The following NCR3 variants were observed in gnomAD, a reference collection of about 807,000 sequenced individuals.
NCR3 encodes the protein natural cytotoxicity triggering receptor 3, also known as NK-p30.
Under a neutral mutation model 16.1 loss-of-function variants are expected in NCR3, and 13 were observed. The observed-to-expected ratio is 0.81, with a 90% CI of 0.53 to 1.28. The LOEUF (loss-of-function observed/expected upper bound fraction) is 1.28, where lower values mean the gene tolerates loss of function less well. Ranked by LOEUF, NCR3 falls within the 50% of genes most tolerant of loss-of-function variation. NCR3 has a pLI of 0.00. For synonymous variants in NCR3, 98 were observed against 106.6 expected (o/e 0.92, Z 0.50); for missense variants, 202 against 256.8 (o/e 0.79, Z 1.46).
rs199588073 is a variant in NCR3 at position 31,589,213 on chromosome 6, G to A, written c.497-37C>T. 93 of 1,602,550 alleles carry A rather than the reference G, an allele frequency of 5.8e-5. No individual in the cohort carries two copies. Among genetic ancestry groups the A allele is most frequent in the Non-Finnish European group, 7.0e-5 (82 of 1,174,420 alleles). ...GAAAGTTCAGAGTTGGGGGAATCCGGAGAGAGTAGATTTGGCATCTGGAGA... is the reference window on the plus strand; with the variant it reads ...GAAAGTTCAGAGTTGGGGGAATCCGAAGAGAGTAGATTTGGCATCTGGAGA... On this transcript the variant is annotated intron_variant, in intron 3 of 3. Transcript: ENST00000340027. This position sits in a 1 kb window ranked among gnomAD's most constrained non-coding sequence, Gnocchi z 4.8.
In NCR3 at chr6:31,590,004, A is replaced by G; in HGVS notation, c.166T>C (p.Phe56Leu). ...TTCCCTGGAACCACCTCATCTCGGAACCACGTGACGGAGCCAATGGCCAGT... is the reference window on the plus strand; with the variant it reads ...TTCCCTGGAACCACCTCATCTCGGAGCCACGTGACGGAGCCAATGGCCAGT... ...GRLAIGSVTWFRDEVVPGKEV... is the reference protein window; with the variant it reads ...GRLAIGSVTWLRDEVVPGKEV... The change falls in exon 2 of 4, where the codon TTC becomes CTC. Residue 56 changes from phenylalanine (F) to leucine (L), a missense_variant. Physicochemically the swap from Phe to Leu is conservative, Grantham distance 22. Transcript: ENST00000340027. The G allele has an allele frequency of 6.8e-6, 11 of 1,613,088 alleles. No individual in the cohort carries two copies. The highest frequency in any genetic ancestry group is 9.3e-6 in the Non-Finnish European group (11 of 1,180,016).
In NCR3 at chr6:31,593,006, G is replaced by C; in HGVS notation, c.-285C>G. 1 of 543,486 alleles carries C rather than the reference G, an allele frequency of 1.8e-6. No individual in the cohort carries two copies. Among genetic ancestry groups the C allele is most frequent in the South Asian group, 2.1e-5 (1 of 47,616 alleles). 33.7% of individuals were successfully genotyped at this position (543,486 alleles called of 1,614,324 possible). A position where few individuals can be genotyped will look rare whatever the true frequency, so the allele number is the denominator to read the frequency against. ...TGTGGCAGGCTAGCTAAGCGTGTGA[G>C]GGGGAGGGTGGGGCTTAGATGGCTG... On this transcript the variant is annotated 5_prime_UTR_variant, in exon 1 of 4. Coordinates refer to ENST00000340027, the MANE Select transcript of NCR3 (RefSeq NM_147130.3).
In NCR3 at chr6:31,593,000, G is replaced by A. The variant is rs56176172; in HGVS notation, c.-279C>T. Reference sequence around the variant, plus strand: ...CCAGCTTGTGGCAGGCTAGCTAAGCGTGTGAGGGGGAGGGTGGGGCTTAGA... The same window carrying A: ...CCAGCTTGTGGCAGGCTAGCTAAGCATGTGAGGGGGAGGGTGGGGCTTAGA... On this transcript the variant is annotated 5_prime_UTR_variant, in exon 1 of 4. The change creates a new upstream start codon in the 5' untranslated region. Transcript: ENST00000340027. 9.0e-6 allele frequency: 5 copies of A among 555,124 alleles called. No homozygotes were observed. The highest frequency in any genetic ancestry group is 3.8e-5 in the African/African-American group (2 of 53,012). 34.4% of individuals were successfully genotyped at this position (555,124 alleles called of 1,614,324 possible).
chr6:31,589,580 CATA>C lies in NCR3; in HGVS notation c.439_441del (p.Tyr147del). 1.9e-6 allele frequency: 3 copies of C among 1,614,014 alleles called. No homozygotes were observed. Among genetic ancestry groups the C allele is most frequent in the Non-Finnish European group, 2.5e-6 (3 of 1,180,030 alleles). On this transcript the variant is annotated inframe_deletion, in exon 3 of 4. Coordinates refer to ENST00000340027, the MANE Select transcript of NCR3 (RefSeq NM_147130.3). The surrounding 1 kb of genome is among the most constrained non-coding windows in gnomAD (Gnocchi z 4.8). ...ACGGCCACAGAGAGAAAGCTGACAG[CATA>C]GAATCCAGCCCGAAGGAGGAGGACT...
At chr6:31,590,991 C>G (rs990774515) in intron 1 of NCR3, among the ~76,000 whole-genome samples, 1 of 152,056 alleles carries the variant, frequency 6.6e-6, no homozygotes, top group African/African-American at 2.4e-5. Flanking sequence ...AGGCACCCAC[C>G]ACCACGACTG....
Position 31,589,929 on chromosome 6 carries a change from C to T in NCR3, c.241G>A (p.Ala81Thr), listed in dbSNP as rs1457722571. The T allele has an allele frequency of 6.2e-7, 1 of 1,613,114 alleles. No homozygotes were observed. The highest frequency in any genetic ancestry group is 2.2e-5 in the East Asian group (1 of 44,892). Residue 81 changes from alanine to threonine, a missense_variant, in exon 2 of 4, where the codon GCT becomes ACT. Transcript: ENST00000340027. The surrounding 1 kb of genome is among the most constrained non-coding windows in gnomAD (Gnocchi z 4.8). ...TGGTCATGGAGGAAACGGGAAGAAGCAAGTGGGGCCAGGCGGCCCCTGAAC... is the reference window on the plus strand; with the variant it reads ...TGGTCATGGAGGAAACGGGAAGAAGTAAGTGGGGCCAGGCGGCCCCTGAAC... ...PEFRGRLAPL[A>T]SSRFLHDHQA...
At chr6:31,591,461 T>A (rs578083228) in intron 1 of NCR3, among the ~76,000 whole-genome samples, 1 of 152,336 alleles carries the variant, frequency 6.6e-6, no homozygotes, top group Non-Finnish European at 1.5e-5. Flanking sequence ...GAAATCCACA[T>A]TTTGAGAACT....
chr6:31,589,152 C>T lies in NCR3; in HGVS notation c.521G>A (p.Arg174Lys). Residue 174 changes from arginine (R) to lysine (K), a missense_variant, in exon 4 of 4, where the codon AGG becomes AAG. Transcript: ENST00000340027. This position sits in a 1 kb window ranked among gnomAD's most constrained non-coding sequence, Gnocchi z 4.8. The part of the protein sequence containing the change: ...GKCLTWKGPR[R>K]QLPAVVPAPL... ...CGCTGGGACCACAGCCGGCAGCTGC[C>T]TTCTTGGACCTTTCCAGGTCAGACC... The T allele has an allele frequency of 1.2e-6, 2 of 1,614,010 alleles. No individual in the cohort carries two copies. The highest frequency in any genetic ancestry group is 1.3e-5 in the African/African-American group (1 of 75,048).
Position 31,589,426 on chromosome 6 carries a change from G to A in NCR3, c.496+100C>T. The A allele has an allele frequency of 2.6e-6, 4 of 1,558,360 alleles. No individual in the cohort carries two copies. The highest frequency in any genetic ancestry group is 3.5e-6 in the Non-Finnish European group (4 of 1,149,472). The stretch of plus-strand genomic sequence containing the variant: ...AGGACAGGAGCTGCTCAGTGTTGCA[G>A]TCCCGAGGCTCTCCTCTTCCTGGTC... On this transcript the variant is annotated intron_variant, in intron 3 of 3. Coordinates refer to ENST00000340027, the MANE Select transcript of NCR3 (RefSeq NM_147130.3). The surrounding 1 kb of genome is among the most constrained non-coding windows in gnomAD (Gnocchi z 4.8).
intron 1 of NCR3, among the ~76,000 whole-genome samples, chr6:31,590,705 C>T (rs1478915744): frequency 6.6e-6 from 1 of 152,198 alleles, no homozygotes; most frequent in Admixed American, 6.5e-5. Context: ...ACTTGTCTAG[C>T]TGAAATGTAA....
Position 31,588,910 on chromosome 6 carries a change from C to T in NCR3, c.*157G>A, listed in dbSNP as rs1261739126. The T allele has an allele frequency of 5.2e-6, 5 of 955,340 alleles. No homozygotes were observed. The highest frequency in any genetic ancestry group is 3.3e-5 in the African/African-American group (2 of 59,984). 59.2% of individuals were successfully genotyped at this position (955,340 alleles called of 1,614,324 possible). ...AACACATGGCTCACCCTTCCACCCA[C>T]TCTGGGGTCAAATAGTAATTTATTG... On this transcript the variant is annotated 3_prime_UTR_variant, in exon 4 of 4. Transcript: ENST00000340027.
At chr6:31,591,854 G>A (rs1562508458) in intron 1 of NCR3, among the ~76,000 whole-genome samples, 1 of 152,298 alleles carries the variant, frequency 6.6e-6, no homozygotes, top group East Asian at 1.9e-4. Context: ...AGTGGCTCAT[G>A]CCTATAATTC....
chr6:31,589,818 C>T lies in NCR3; in HGVS notation c.352G>A (p.Gly118Arg), dbSNP rs756886201. The change falls in exon 2 of 4, where the codon GGG (glycine) becomes AGG (arginine). Residue 118 changes from glycine (G) to arginine (R), a missense_variant. By Grantham distance (125) the Gly-to-Arg change is moderately radical. Coordinates refer to ENST00000340027, the MANE Select transcript of NCR3 (RefSeq NM_147130.3). This position sits in a 1 kb window ranked among gnomAD's most constrained non-coding sequence, Gnocchi z 4.8. ...CRVEVLGLGV[G>R]TGNGTRLVVE... ...ACCAGCCGAGTCCCATTCCCTGTCC[C>T]GACACCAAGGCCCAGCACCTCCACT... The T allele has an allele frequency of 1.1e-5, 17 of 1,612,836 alleles. No individual in the cohort carries two copies. In the South Asian group the frequency reaches 1.2e-4, roughly 11 times the overall value.
At position 31,592,848 on chromosome 6, in the gene NCR3, G is replaced by A. The variant is rs931474286; in HGVS notation, c.-127C>T. On this transcript the variant is annotated 5_prime_UTR_variant, in exon 1 of 4. Transcript: ENST00000340027. Reference sequence around the variant, plus strand: ...GGATGGGGAGCTTCCTATGACACACGGGACTCACACATCACTTGCCAAGGA... The same window carrying A: ...GGATGGGGAGCTTCCTATGACACACAGGACTCACACATCACTTGCCAAGGA... 9.7e-6 allele frequency: 9 copies of A among 929,530 alleles called. No individual in the cohort carries two copies. Among genetic ancestry groups the A allele is most frequent in the Middle Eastern group, 2.1e-4 (1 of 4,810 alleles). The allele number at this position is 929,530 out of a possible 1,614,324, so 57.6% of individuals were successfully genotyped here. A position where few individuals can be genotyped will look rare whatever the true frequency, so the allele number is the denominator to read the frequency against.
In NCR3 at chr6:31,589,974, C is replaced by A. The variant is rs1390170254; in HGVS notation, c.196G>T (p.Val66Leu). The change falls in exon 2 of 4, where the codon GTG becomes TTG. Residue 66 changes from valine to leucine, a missense_variant. Coordinates refer to ENST00000340027, the MANE Select transcript of NCR3 (RefSeq NM_147130.3). This position sits in a 1 kb window ranked among gnomAD's most constrained non-coding sequence, Gnocchi z 4.8. ...CTGAACTCTGGGGTTCCATTCCTCA[C>A]CTCCTTCCCTGGAACCACCTCATCT... Reference protein sequence around the residue: ...FRDEVVPGKEVRNGTPEFRGR... With the variant: ...FRDEVVPGKELRNGTPEFRGR... 1.9e-6 allele frequency: 3 copies of A among 1,612,974 alleles called. No individual in the cohort carries two copies. Among genetic ancestry groups the A allele is most frequent in the Non-Finnish European group, 2.5e-6 (3 of 1,180,022 alleles).
Position 31,589,011 on chromosome 6 carries a change from G to T in NCR3, c.*56C>A. 3 of 1,500,518 alleles carry T rather than the reference G, an allele frequency of 2.0e-6. No homozygotes were observed. Among genetic ancestry groups the T allele is most frequent in the Non-Finnish European group, 2.7e-6 (3 of 1,125,090 alleles). The allele number at this position is 1,500,518 out of a possible 1,614,324, so 93.0% of individuals were successfully genotyped here. A position where few individuals can be genotyped will look rare whatever the true frequency, so the allele number is the denominator to read the frequency against. On this transcript the variant is annotated 3_prime_UTR_variant, in exon 4 of 4. Coordinates refer to ENST00000340027, the MANE Select transcript of NCR3 (RefSeq NM_147130.3). This position sits in a 1 kb window ranked among gnomAD's most constrained non-coding sequence, Gnocchi z 4.8. ...GTATGTGTGGGCCTGGCAGGAAAGG[G>T]CAGTTGCCAAGGAGGAGTCATATCT... is the stretch of plus-strand genomic sequence containing the variant.
Position 31,589,252 on chromosome 6 carries a change from C to G in NCR3, c.497-76G>C. ...GGCATCTGGAGAATGGAGAAGAAAA[C>G]ACTTGAGACTCATGAGGAGTTAGTG... On this transcript the variant is annotated intron_variant, in intron 3 of 3. Coordinates refer to ENST00000340027, the MANE Select transcript of NCR3 (RefSeq NM_147130.3). The surrounding 1 kb of genome is among the most constrained non-coding windows in gnomAD (Gnocchi z 4.8). The G allele has an allele frequency of 6.4e-7, 1 of 1,565,114 alleles. No individual in the cohort carries two copies. The highest frequency in any genetic ancestry group is 1.4e-5 in the African/African-American group (1 of 73,748).
chr6:31,589,327 C>T lies in NCR3; in HGVS notation c.497-151G>A. ...TTGAAGAGGACTAGGGACATCTGGG[C>T]TCTGGAATCACTCCTCGGGGCCCAT... is the stretch of plus-strand genomic sequence containing the variant. On this transcript the variant is annotated intron_variant, in intron 3 of 3. Coordinates refer to ENST00000340027, the MANE Select transcript of NCR3 (RefSeq NM_147130.3). The surrounding 1 kb of genome is among the most constrained non-coding windows in gnomAD (Gnocchi z 4.8). 1 of 1,552,244 alleles carries T rather than the reference C, an allele frequency of 6.4e-7. No homozygotes were observed. Among genetic ancestry groups the T allele is most frequent in the Non-Finnish European group, 8.7e-7 (1 of 1,147,128 alleles).
rs746819857 is a variant in NCR3, at chr6:31,592,743, C to T, written c.-22G>A. 18 of 1,612,646 alleles carry T rather than the reference C, an allele frequency of 1.1e-5. No individual in the cohort carries two copies. Among genetic ancestry groups the T allele is most frequent in the African/African-American group, 1.1e-4 (8 of 74,904 alleles). The stretch of plus-strand genomic sequence containing the variant: ...CCATGTCGGAAGATGTCCCAGTTGG[C>T]GAAGGGGATCTGAGCAGTGAGGTCT... On this transcript the variant is annotated 5_prime_UTR_variant, in exon 1 of 4. Transcript: ENST00000340027.
Sources: allele counts gnomAD v4.1 joint callset (sites outside exome capture counted in the v4.1 genomes callset), GRCh38; gene constraint gnomAD v4.1.1; non-coding constraint Gnocchi (gnomAD v3.1); transcripts MANE v1.5; gene names NCBI Gene and HGNC (gene_info 2026-07-23, HGNC 2026-07-21).